Variants in PLXNA4 observed in about 807,000 individuals in gnomAD.
PLXNA4 encodes the protein plexin A4, also known as plexin-A4.
In PLXNA4, 44 loss-of-function variants were observed where a neutral mutation model predicts 191.8. The ratio of observed to expected loss-of-function variants is 0.23; its 90% CI spans 0.18 to 0.29. The LOEUF (loss-of-function observed/expected upper bound fraction) is 0.29. Ranked by LOEUF, PLXNA4 falls within the 10% of genes least tolerant of loss-of-function variation. The probability of loss-of-function intolerance (pLI) is 1.00; values close to 1 mark genes in which losing one functional copy is unlikely to be tolerated. For missense variants in PLXNA4, 1,800 were observed against 2,488.8 expected (o/e 0.72, Z 5.89); for synonymous variants, 1,082 against 1,009.5 (o/e 1.07, Z -1.36).
intron 1 of PLXNA4, among the ~76,000 whole-genome samples, chr7:132,536,429 C>T (rs186879397): frequency 3.2e-4 from 49 of 152,242 alleles, no homozygotes; most frequent in Non-Finnish European, 5.3e-4. Flanking sequence ...CTGCATGCAC[C>T]CCACTGACAC....
intron 21 of PLXNA4, among the ~76,000 whole-genome samples, chr7:132,170,520 G>C (rs1796253015): frequency 6.6e-6 from 1 of 152,248 alleles, no homozygotes; most frequent in South Asian, 2.1e-4. Flanking sequence ...GAGATGGCCA[G>C]AGAAAGCCTT....
chr7:132,149,533 G>C (rs1381428165), intron 25 of PLXNA4, among the ~76,000 whole-genome samples: 1 of 152,162 alleles, frequency 6.6e-6, no homozygotes, highest in Non-Finnish European at 1.5e-5. Flanking sequence ...ACATGTATGA[G>C]CTCACGCATC....
intron 12 of PLXNA4, among the ~76,000 whole-genome samples, chr7:132,200,989 G>A (rs1375552899): frequency 6.6e-6 from 1 of 152,234 alleles, no homozygotes; most frequent in Non-Finnish European, 1.5e-5. Flanking sequence ...TCTAACCCCA[G>A]TGTCTCAGAA....
chr7:132,342,848 G>A (rs1585014180), intron 3 of PLXNA4, among the ~76,000 whole-genome samples: 1 of 151,602 alleles, frequency 6.6e-6, no homozygotes, highest in South Asian at 2.1e-4. Flanking sequence ...TCAGGTGGCT[G>A]AGGAGGGAGA....
chr7:132,375,040 C>G (rs1333045755), intron 3 of PLXNA4, among the ~76,000 whole-genome samples: 1 of 152,232 alleles, frequency 6.6e-6, no homozygotes, highest in Non-Finnish European at 1.5e-5. Context: ...GCATTCTCAT[C>G]CTGGATAACC....
chr7:132,248,076 T>C (rs1584896886), intron 4 of PLXNA4, among the ~76,000 whole-genome samples: 1 of 152,228 alleles, frequency 6.6e-6, no homozygotes, highest in African/African-American at 2.4e-5. Flanking sequence ...AGAACTCGAT[T>C]GGCCAATGAA....
chr7:132,270,156 A>G (rs1035739928), intron 4 of PLXNA4, among the ~76,000 whole-genome samples: 3 of 152,220 alleles, frequency 2.0e-5, no homozygotes, highest in Admixed American at 6.5e-5. Context: ...TTATTTTGCC[A>G]TAAAATAAAT....
chr7:132,514,333 G>A (rs1473845224), intron 1 of PLXNA4, among the ~76,000 whole-genome samples: 2 of 152,330 alleles, frequency 1.3e-5, no homozygotes, highest in Middle Eastern at 3.4e-3. Flanking sequence ...TTACAGGCAT[G>A]AGCCACTGTG....
chr7:132,615,419 G>T (rs969649873), intron 2 of PLXNA4, among the ~76,000 whole-genome samples: 3 of 152,164 alleles, frequency 2.0e-5, no homozygotes, highest in East Asian at 1.9e-4. Context: ...GGGGACGGGG[G>T]CTGGGGCTGC....
chr7:132,635,223 G>A (rs570584746), intron 2 of PLXNA4, among the ~76,000 whole-genome samples: 20 of 133,656 alleles, frequency 1.5e-4, no homozygotes, highest in African/African-American at 4.7e-4. Context: ...TAGTTCTATC[G>A]CTCTAGAGAA....
At chr7:132,356,078 G>A (rs371234735) in intron 3 of PLXNA4, among the ~76,000 whole-genome samples, 59 of 152,212 alleles carry the variant, frequency 3.9e-4, no homozygotes, top group South Asian at 1.7e-3. Context: ...ATCCAGTTTC[G>A]AAGAACTGCT....
intron 2 of PLXNA4, among the ~76,000 whole-genome samples, chr7:132,639,853 G>C (rs1165817300): frequency 1.5e-4 from 23 of 152,184 alleles, no homozygotes; most frequent in Admixed American, 1.4e-3. Context: ...TCCAGACCAT[G>C]ATGAGAGTCA....
chr7:132,384,950 A>G, intron 3 of PLXNA4: 1 of 1,329,166 alleles, frequency 7.5e-7, no homozygotes. Flanking sequence ...CCTACACTCC[A>G]TTGTCCAAAA....
chr7:132,557,559 A>G (rs1800858738), intron 1 of PLXNA4, among the ~76,000 whole-genome samples: 1 of 151,484 alleles, frequency 6.6e-6, no homozygotes, highest in Admixed American at 6.6e-5. Context: ...TAAAAAAAAA[A>G]AAGTTTTCAC....
At chr7:132,309,820 G>C (rs1219017141) in intron 3 of PLXNA4, among the ~76,000 whole-genome samples, 1 of 152,168 alleles carries the variant, frequency 6.6e-6, no homozygotes, top group South Asian at 2.1e-4. Context: ...AGTCGTCCAG[G>C]TACTAACTCA....
intron 4 of PLXNA4, among the ~76,000 whole-genome samples, chr7:132,269,987 T>TA (rs1800003866): frequency 6.6e-6 from 1 of 151,992 alleles, no homozygotes. Flanking sequence ...ACAGGAATAA[T>TA]AAAAAACACC....
intron 4 of PLXNA4, among the ~76,000 whole-genome samples, chr7:132,270,429 T>C (rs946738194): frequency 6.6e-6 from 1 of 152,198 alleles, no homozygotes; most frequent in African/African-American, 2.4e-5. Context: ...CCAAAATTAC[T>C]TCGCAGTTTC....
At chr7:132,384,514 A>C in intron 3 of PLXNA4, 1 of 986,560 alleles carries the variant, frequency 1.0e-6, no homozygotes, top group Non-Finnish European at 1.2e-6. Flanking sequence ...GTCTTAAGGA[A>C]AGGAGACTGG....
intron 2 of PLXNA4, among the ~76,000 whole-genome samples, chr7:132,619,351 A>C (rs796729443): frequency 7.2e-5 from 11 of 152,326 alleles, no homozygotes; most frequent in African/African-American, 2.6e-4. Context: ...TCTCACGACC[A>C]TGCATACCTG....
Sources: gnomAD v4.1 joint callset for allele counts (sites outside exome capture counted in the v4.1 genomes callset) on GRCh38, gnomAD v4.1.1 for gene constraint, MANE v1.5 for transcripts, NCBI Gene and HGNC (gene_info 2026-07-23, HGNC 2026-07-21) for gene names.